DGKI: variants seen among roughly 807,000 people sequenced by gnomAD.
DGKI encodes DAG kinase iota.
DGKI carries 55 observed loss-of-function variants against 147.5 expected under a neutral mutation model. That is an observed-to-expected ratio of 0.37 (90% CI 0.30 to 0.47). DGKI has a LOEUF of 0.47. Ranked by LOEUF, DGKI falls within the 20% of genes least tolerant of loss-of-function variation. The pLI is 1.00. For missense variants in DGKI, 1,007 were observed against 1,323.8 expected (o/e 0.76, Z 3.71); for synonymous variants, 469 against 477.1 (o/e 0.98, Z 0.22).
intron 26 of DGKI, among the ~76,000 whole-genome samples, chr7:137,464,650 A>G (rs896192407): frequency 6.6e-6 from 1 of 152,162 alleles, no homozygotes; most frequent in Non-Finnish European, 1.5e-5. Flanking sequence ...CTCCACCTAG[A>G]CTTGGTACAT....
chr7:137,519,601 A>T (rs912683507), intron 21 of DGKI, among the ~76,000 whole-genome samples: 1 of 152,006 alleles, frequency 6.6e-6, no homozygotes, highest in African/African-American at 2.4e-5. Context: ...ATGCTTCTGA[A>T]ATAACATTTA....
At chr7:137,424,732 T>G (rs1199333363) in intron 28 of DGKI, among the ~76,000 whole-genome samples, 1 of 152,120 alleles carries the variant, frequency 6.6e-6, no homozygotes, top group Non-Finnish European at 1.5e-5. Flanking sequence ...CACCAGGAGA[T>G]TATATCTCGC....
intron 1 of DGKI, among the ~76,000 whole-genome samples, chr7:137,762,752 C>T (rs1302951032): frequency 2.6e-5 from 4 of 152,182 alleles, no homozygotes; most frequent in Non-Finnish European, 4.4e-5. Flanking sequence ...TCATTGTGTG[C>T]TCCTATAGCA....
intron 1 of DGKI, among the ~76,000 whole-genome samples, chr7:137,707,943 C>CTT (rs1794091452): frequency 6.6e-6 from 1 of 151,974 alleles, no homozygotes; most frequent in Non-Finnish European, 1.5e-5. Context: ...TTGTTTTTTG[C>CTT]CTCCAAATCT....
intron 8 of DGKI, among the ~76,000 whole-genome samples, chr7:137,617,526 T>C (rs1820576744): frequency 6.6e-6 from 1 of 152,024 alleles, no homozygotes; most frequent in South Asian, 2.1e-4. Context: ...CATAATGAAG[T>C]GTTTACAGAC....
intron 1 of DGKI, among the ~76,000 whole-genome samples, chr7:137,760,017 G>C (rs942753644): frequency 6.6e-6 from 1 of 152,138 alleles, no homozygotes. Flanking sequence ...TATGTACCCT[G>C]AGACACACAG....
intron 30 of DGKI, among the ~76,000 whole-genome samples, chr7:137,399,951 A>T (rs990171656): frequency 6.6e-6 from 1 of 152,038 alleles, no homozygotes; most frequent in African/African-American, 2.4e-5. Context: ...GTCAATACAC[A>T]TAGTGTGCTT....
chr7:137,658,829 T>C (rs948671157), intron 3 of DGKI, among the ~76,000 whole-genome samples: 1 of 152,220 alleles, frequency 6.6e-6, no homozygotes, highest in Non-Finnish European at 1.5e-5. Flanking sequence ...AGATATGCTA[T>C]CTCTCAGCCT....
At chr7:137,617,725 T>C (rs1187271309) in intron 8 of DGKI, among the ~76,000 whole-genome samples, 1 of 152,096 alleles carries the variant, frequency 6.6e-6, no homozygotes, top group Non-Finnish European at 1.5e-5. Context: ...TCAAGGTCAA[T>C]ATCCTGGTTG....
At chr7:137,722,478 C>T in intron 1 of DGKI, 9 of 1,610,564 alleles carry the variant, frequency 5.6e-6, no homozygotes, top group Non-Finnish European at 6.8e-6. Flanking sequence ...GGGTGGTTTT[C>T]CTGAAGCAGC....
At chr7:137,709,686 C>G (rs1402727353) in intron 1 of DGKI, among the ~76,000 whole-genome samples, 5 of 151,988 alleles carry the variant, frequency 3.3e-5, no homozygotes, top group African/African-American at 9.7e-5. Context: ...AAAAAAGTAC[C>G]AAGACACATG....
intron 29 of DGKI, among the ~76,000 whole-genome samples, chr7:137,409,469 G>A (rs993393659): frequency 6.6e-6 from 1 of 152,166 alleles, no homozygotes; most frequent in African/African-American, 2.4e-5. Context: ...ATGAAGCAGG[G>A]GATGGAAACA....
At chr7:137,405,468 G>A (rs975616188) in intron 30 of DGKI, among the ~76,000 whole-genome samples, 7 of 152,302 alleles carry the variant, frequency 4.6e-5, no homozygotes, top group East Asian at 3.9e-4. Context: ...ATAGAAAAAC[G>A]AAGCTCTAAG....
rs186805709 is a variant in DGKI, at chr7:137,599,395, A to G, written c.1250+428T>C. ...CTCTCTCTCACACACAAGCGCGCGCACACACACACACACACTCTCTCTTTT... is the reference window on the plus strand; with the variant it reads ...CTCTCTCTCACACACAAGCGCGCGCGCACACACACACACACTCTCTCTTTT... On this transcript the variant is annotated intron_variant, in intron 11 of 32. Transcript: ENST00000614521. Among the ~76,000 whole-genome samples, 1,141 of 151,646 alleles carry G rather than the reference A, an allele frequency of 7.5e-3. 8 individuals are homozygous for G. Among genetic ancestry groups the G allele is most frequent in the Middle Eastern group, 0.024 (7 of 294 alleles).
intron 21 of DGKI, among the ~76,000 whole-genome samples, chr7:137,502,369 T>C (rs967695859): frequency 4.6e-5 from 7 of 152,140 alleles, no homozygotes; most frequent in African/African-American, 1.7e-4. Context: ...AGATACATAA[T>C]TGTGTGTCAT....
chr7:137,572,769 G>T lies in DGKI; in HGVS notation c.1831C>A (p.Pro611Thr), dbSNP rs1196988484. The T allele has an allele frequency of 6.2e-7, 1 of 1,601,294 alleles. No homozygotes were observed. The highest frequency in any genetic ancestry group is 1.3e-5 in the African/African-American group (1 of 74,356). The change falls in exon 18 of 33, where the codon CCC (proline) becomes ACC (threonine). Residue 611 changes from proline (P) to threonine (T), a missense_variant. Pro to Thr is a conservative substitution (Grantham distance 38). Coordinates refer to ENST00000614521, the MANE Select transcript of DGKI (RefSeq NM_001321708.2). Reference protein sequence around the residue: ...KFQCIVFLNIPRYCAGTMPWG... With the variant: ...KFQCIVFLNITRYCAGTMPWG... ...AACAATACAAACAGAGCCTACCTGG[G>T]TATATTTAAAAATACTATACACTGG...
At chr7:137,442,858 A>T (rs1456023532) in intron 28 of DGKI, among the ~76,000 whole-genome samples, 2 of 152,268 alleles carry the variant, frequency 1.3e-5, no homozygotes, top group African/African-American at 4.8e-5. Flanking sequence ...TAGGGAAAAC[A>T]GGTAAATAAA....
chr7:137,818,672 C>T (rs1797808718), intron 1 of DGKI, among the ~76,000 whole-genome samples: 1 of 152,078 alleles, frequency 6.6e-6, no homozygotes, highest in African/African-American at 2.4e-5. Context: ...GAACTCCAGA[C>T]CTCAGGTGAT....
Position 137,443,080 on chromosome 7 carries a change from A to C in DGKI, c.2761+997T>G, listed in dbSNP as rs192921780. ...CTCCAGAAATTTGATGTAGAATTAG[A>C]TGTATTGTCACATGGCTGGAAAACA... On this transcript the variant is annotated intron_variant, in intron 28 of 32. Coordinates refer to ENST00000614521, the MANE Select transcript of DGKI (RefSeq NM_001321708.2). Among the ~76,000 whole-genome samples, 4 of 152,266 alleles carry C rather than the reference A, an allele frequency of 2.6e-5. No homozygotes were observed. The East Asian group carries it at 7.7e-4, about 29-fold the overall frequency.
Sources: allele counts gnomAD v4.1 joint callset (sites outside exome capture counted in the v4.1 genomes callset), GRCh38; gene constraint gnomAD v4.1.1; transcripts MANE v1.5; gene names NCBI Gene and HGNC (gene_info 2026-07-23, HGNC 2026-07-21).